Variants in NARF observed in about 807,000 individuals in gnomAD.
NARF encodes the protein iron-only hydrogenase-like protein 2.
NARF carries 41 observed loss-of-function variants against 48.0 expected under a neutral mutation model. That is an observed-to-expected ratio of 0.85 (90% confidence interval 0.66 to 1.11). The LOEUF (loss-of-function observed/expected upper bound fraction) is 1.11, where lower values mean the gene tolerates loss of function less well. NARF is among the 50% of genes least tolerant of loss of function. NARF has a pLI of 0.00. For synonymous variants in NARF, 215 were observed against 225.5 expected (o/e 0.95, Z 0.42); for missense variants, 613 against 590.2 (o/e 1.04, Z -0.40).
chr17:82,478,732 C>A, intron 5 of NARF, 68 bp from the exon 6 acceptor site: 2 of 1,474,582 alleles, frequency 1.4e-6, no homozygotes, highest in Non-Finnish European at 1.9e-6. Context: ...GCTCAGCATT[C>A]CCTGGTGCGT....
At chr17:82,465,222 C>T (rs531936427) in intron 3 of NARF, among the ~76,000 whole-genome samples, 11 of 152,242 alleles carry the variant, frequency 7.2e-5, no homozygotes, top group African/African-American at 2.4e-4. Flanking sequence ...GTGGGAGATC[C>T]GCCCCCATGA....
chr17:82,469,003 C>T (rs1035119935), intron 4 of NARF, 107 bp downstream of exon 4: 4 of 1,264,480 alleles, frequency 3.2e-6, no homozygotes, highest in Non-Finnish European at 4.4e-6. Context: ...AAGCAACTTC[C>T]AAAAGAGTCT....
intron 5 of NARF, among the ~76,000 whole-genome samples, chr17:82,478,301 C>T (rs1012972997): frequency 2.0e-5 from 3 of 152,196 alleles, no homozygotes; most frequent in South Asian, 2.1e-4. Flanking sequence ...CTATTTATTA[C>T]GACTTGAGGA....
chr17:82,483,500 A>C, intron 7 of NARF: 1 of 519,266 alleles, frequency 1.9e-6, no homozygotes, highest in African/African-American at 1.9e-5. Context: ...AGAAAGAGGA[A>C]TGGAAAGAGG....
intron 3 of NARF, among the ~76,000 whole-genome samples, chr17:82,468,005 C>T (rs943486263): frequency 6.6e-6 from 1 of 152,098 alleles, no homozygotes; most frequent in Non-Finnish European, 1.5e-5. Flanking sequence ...GATCTGTAGT[C>T]TTGTCTCTTT....
chr17:82,480,661 G>C (rs924069690), intron 6 of NARF: 4 of 427,638 alleles, frequency 9.4e-6, no homozygotes, highest in Non-Finnish European at 1.6e-5. Context: ...AGCCAGGCTC[G>C]ATGGCTCACG....
At chr17:82,467,453 A>G (rs572046858) in intron 3 of NARF, among the ~76,000 whole-genome samples, 3 of 152,008 alleles carry the variant, frequency 2.0e-5, no homozygotes, top group Non-Finnish European at 4.4e-5. Flanking sequence ...GCTTACTCAC[A>G]AAACATCTTA....
At chr17:82,471,652 C>T (rs113571319) in intron 4 of NARF, among the ~76,000 whole-genome samples, 5 of 147,168 alleles carry the variant, frequency 3.4e-5, no homozygotes, top group African/African-American at 7.6e-5. Context: ...ATTAGCCGGG[C>T]GTGGTGGTGG....
intron 9 of NARF, among the ~76,000 whole-genome samples, chr17:82,485,285 G>A (rs995213297): frequency 6.6e-6 from 1 of 152,094 alleles, no homozygotes; most frequent in Admixed American, 6.6e-5. Context: ...GCCGAGTGTG[G>A]TGGTGAGCGC....
intron 2 of NARF, chr17:82,463,995 G>C (rs896750280): frequency 6.3e-6 from 2 of 316,086 alleles, no homozygotes. Flanking sequence ...CCAGAACACA[G>C]GGGTCATTTA....
intron 10 of NARF, 94 bp from the exon 11 acceptor site, chr17:82,487,822 A>C: frequency 8.3e-6 from 8 of 962,452 alleles, no homozygotes; most frequent in Non-Finnish European, 1.0e-5. Flanking sequence ...TCAGCCGGGC[A>C]AGGTGGTGTG....
intron 6 of NARF, chr17:82,480,305 A>G (rs923995891): frequency 4.2e-5 from 17 of 400,232 alleles, no homozygotes; most frequent in Admixed American, 8.8e-5. Context: ...ACACACACAC[A>G]CACACACTCA....
chr17:82,458,402 A>G, upstream of NARF: 1 of 179,934 alleles, frequency 5.6e-6, no homozygotes, highest in Non-Finnish European at 1.2e-5. Context: ...GCCTCGGGAC[A>G]GTCCGCGCGC....
In NARF at chr17:82,488,547, G is replaced by C. The variant is rs2044148759; in HGVS notation, c.*390G>C. 1 of 177,122 alleles carries C rather than the reference G, an allele frequency of 5.6e-6. No individual in the cohort carries two copies. Among genetic ancestry groups the C allele is most frequent in the Admixed American group, 5.4e-5 (1 of 18,474 alleles). 11.0% of individuals were successfully genotyped at this position (177,122 alleles called of 1,614,324 possible). The stretch of plus-strand genomic sequence containing the variant: ...ACACCACCATGCCCAGCTAATTTTT[G>C]TATTTTTAGTAGAGATGGGGTTTCA... On this transcript the variant is annotated 3_prime_UTR_variant, in exon 11 of 11. Transcript: ENST00000309794.
intron 5 of NARF, among the ~76,000 whole-genome samples, chr17:82,475,488 T>C (rs2043812411): frequency 6.6e-6 from 1 of 152,056 alleles, no homozygotes; most frequent in African/African-American, 2.4e-5. Flanking sequence ...TCCCTGCTAC[T>C]CGGGAGGCTG....
intron 6 of NARF, among the ~76,000 whole-genome samples, chr17:82,479,446 G>A (rs1456227594): frequency 4.6e-5 from 7 of 152,298 alleles, no homozygotes; most frequent in East Asian, 1.9e-4. Flanking sequence ...AGTGAGTCCC[G>A]GCCTGAGGCT....
intron 5 of NARF, chr17:82,478,430 C>A: frequency 2.7e-6 from 1 of 370,882 alleles, no homozygotes; most frequent in Non-Finnish European, 5.4e-6. Context: ...CGTGTCCTGG[C>A]TGTAAGGACG....
chr17:82,474,248 T>C (rs1017784530), intron 5 of NARF, among the ~76,000 whole-genome samples: 6 of 152,176 alleles, frequency 3.9e-5, no homozygotes, highest in Admixed American at 6.5e-5. Context: ...TGGAATAATA[T>C]GGCAAACGTG....
At position 82,484,848 on chromosome 17, in the gene NARF, A is replaced by G. The variant is rs1248173872; in HGVS notation, c.869A>G (p.His290Arg). ...TTGAAGGAGGACAAAGTGACGCGTC[A>G]TGATGGAGCCAGCTCAGACGGGCAC... is the stretch of plus-strand genomic sequence containing the variant. ...GDLKEDKVTR[H>R]DGASSDGHLA... The change falls in exon 9 of 11, where the codon CAT (histidine) becomes CGT (arginine). Residue 290 changes from histidine (H) to arginine (R), a missense_variant. Transcript: ENST00000309794. 1.2e-6 allele frequency: 2 copies of G among 1,610,282 alleles called. No homozygotes were observed. The highest frequency in any genetic ancestry group is 1.3e-5 in the African/African-American group (1 of 74,694).
Sources: gnomAD v4.1 joint callset for allele counts (sites outside exome capture counted in the v4.1 genomes callset) on GRCh38, gnomAD v4.1.1 for gene constraint, MANE v1.5 for transcripts, NCBI Gene and HGNC (gene_info 2026-07-23, HGNC 2026-07-21) for gene names.